Variants in CALN1 observed in about 807,000 individuals in gnomAD.
CALN1 encodes calcium-binding protein 8.
A neutral mutation model predicts 30.6 loss-of-function variants in CALN1; 17 were observed. That is an observed-to-expected ratio of 0.56 (90% CI 0.38 to 0.83). The LOEUF (loss-of-function observed/expected upper bound fraction) is 0.83. CALN1 is among the 40% of genes least tolerant of loss of function. The pLI, the probability that CALN1 is intolerant of heterozygous loss-of-function variation, is 0.00. For synonymous variants in CALN1, 156 were observed against 131.4 expected (o/e 1.19, Z -1.28); for missense variants, 291 against 354.9 (o/e 0.82, Z 1.45).
At chr7:72,046,881 T>C (rs1802508410) in intron 4 of CALN1, among the ~76,000 whole-genome samples, 1 of 151,774 alleles carries the variant, frequency 6.6e-6, no homozygotes. Context: ...TACAAAAATC[T>C]AGCAAAACCC....
chr7:72,485,796 G>C, the CALN1 span, among the ~76,000 whole-genome samples: 1 of 152,054 alleles, frequency 6.6e-6, no homozygotes, highest in Non-Finnish European at 1.5e-5. Flanking sequence ...ACTTGAACCC[G>C]GGAGGTGGAG....
At chr7:71,959,998 G>T (rs1343401792) in intron 5 of CALN1, among the ~76,000 whole-genome samples, 1 of 151,846 alleles carries the variant, frequency 6.6e-6, no homozygotes, top group Non-Finnish European at 1.5e-5. Context: ...GCTGGGCGTG[G>T]TGGCGGGCAC....
intron 4 of CALN1, among the ~76,000 whole-genome samples, chr7:72,025,265 G>A (rs905559559): frequency 4.6e-5 from 7 of 151,962 alleles, no homozygotes; most frequent in African/African-American, 1.7e-4. Context: ...AGCCAAGATC[G>A]CACTGCTGCA....
intron 5 of CALN1, among the ~76,000 whole-genome samples, chr7:71,823,885 A>G (rs1403643277): frequency 6.6e-6 from 1 of 152,158 alleles, no homozygotes; most frequent in South Asian, 2.1e-4. Flanking sequence ...GGCAGGTAAG[A>G]GAGAGAACTT....
At chr7:72,180,574 G>T (rs1789696030) in intron 3 of CALN1, among the ~76,000 whole-genome samples, 2 of 135,614 alleles carry the variant, frequency 1.5e-5, no homozygotes, top group African/African-American at 5.4e-5. Flanking sequence ...ACTGTTACTT[G>T]GGCTATTTGA....
chr7:71,939,403 CA>C (rs56368426), intron 5 of CALN1, among the ~76,000 whole-genome samples: 2,210 of 105,408 alleles, frequency 0.021, 65 homozygotes, highest in African/African-American at 0.078. Context: ...ACTAAAAATA[CA>C]AAAAAAAAAA....
chr7:72,222,522 T>C (rs1793381545), intron 3 of CALN1, among the ~76,000 whole-genome samples: 1 of 152,194 alleles, frequency 6.6e-6, no homozygotes, highest in Middle Eastern at 3.4e-3. Flanking sequence ...TCACAAGAAG[T>C]TTGCCCCCAT....
At position 72,337,244 on chromosome 7, in the gene CALN1, C is replaced by A; in HGVS notation, c.120-58434G>T. On this transcript the variant is annotated intron_variant, in intron 2 of 6. Transcript: ENST00000395275. ...CGCCGACAGCACCACACTCCTCGCT[C>A]TGCCGGCGCCCGCGTTCAGGAGCCG... 6.1e-6 allele frequency: 6 copies of A among 985,294 alleles called. No individual in the cohort carries two copies. The South Asian group carries it at 2.3e-4, about 39-fold the overall frequency. The allele number at this position is 985,294 out of a possible 1,614,324, so 61.0% of individuals were successfully genotyped here. A position where few individuals can be genotyped will look rare whatever the true frequency, so the allele number is the denominator to read the frequency against.
At chr7:72,048,492 C>G (rs1217665762) in intron 4 of CALN1, among the ~76,000 whole-genome samples, 1 of 152,038 alleles carries the variant, frequency 6.6e-6, no homozygotes, top group East Asian at 1.9e-4. Context: ...GAAAGAGAAG[C>G]CATTGTGTAA....
At chr7:72,209,044 C>CTTT (rs1792121460) in intron 3 of CALN1, among the ~76,000 whole-genome samples, 1 of 142,430 alleles carries the variant, frequency 7.0e-6, no homozygotes, top group South Asian at 2.3e-4. Flanking sequence ...TTCTCTCTCT[C>CTTT]CTTTTTCTCC....
chr7:72,364,086 A>T (rs1437995321), intron 2 of CALN1, among the ~76,000 whole-genome samples: 1 of 152,046 alleles, frequency 6.6e-6, no homozygotes, highest in African/African-American at 2.4e-5. Flanking sequence ...ATACTTTACT[A>T]TAATGGAGAA....
intron 3 of CALN1, among the ~76,000 whole-genome samples, chr7:72,245,682 G>A (rs1322509908): frequency 2.0e-5 from 3 of 152,042 alleles, no homozygotes; most frequent in Non-Finnish European, 2.9e-5. Flanking sequence ...AACAAGATCA[G>A]AGATAGAATT....
At chr7:72,286,350 G>A (rs1470798420) in intron 2 of CALN1, among the ~76,000 whole-genome samples, 2 of 152,182 alleles carry the variant, frequency 1.3e-5, no homozygotes, top group African/African-American at 4.8e-5. Flanking sequence ...AGTATGCAAG[G>A]TGGCTAGGAA....
At chr7:71,831,725 A>C (rs1474942339) in intron 5 of CALN1, among the ~76,000 whole-genome samples, 3 of 151,778 alleles carry the variant, frequency 2.0e-5, no homozygotes, top group African/African-American at 7.2e-5. Context: ...ATCTCTACAA[A>C]AAAATACAAA....
intron 4 of CALN1, among the ~76,000 whole-genome samples, chr7:72,076,456 G>C (rs1804734071): frequency 6.6e-6 from 1 of 151,212 alleles, no homozygotes. Context: ...AAATTAGCCA[G>C]GTGTGGTGGC....
intron 4 of CALN1, among the ~76,000 whole-genome samples, chr7:72,080,566 G>A (rs1000493402): frequency 1.3e-5 from 2 of 152,128 alleles, no homozygotes; most frequent in Non-Finnish European, 2.9e-5. Context: ...GGGGTGTAGA[G>A]GGTAGAAGCA....
intron 3 of CALN1, among the ~76,000 whole-genome samples, chr7:72,155,020 G>C (rs1444012380): frequency 1.3e-5 from 2 of 151,824 alleles, no homozygotes; most frequent in Non-Finnish European, 2.9e-5. Flanking sequence ...TCACACCACT[G>C]CACTCCAGTT....
intron 3 of CALN1, among the ~76,000 whole-genome samples, chr7:72,188,613 G>C (rs1790379353): frequency 6.6e-6 from 1 of 152,174 alleles, no homozygotes; most frequent in African/African-American, 2.4e-5. Context: ...ACACTGCTCA[G>C]GTGATGGGTG....
At chr7:72,000,983 C>T (rs1799499652) in intron 5 of CALN1, among the ~76,000 whole-genome samples, 1 of 152,114 alleles carries the variant, frequency 6.6e-6, no homozygotes, top group African/African-American at 2.4e-5. Context: ...ATAGCTAGCA[C>T]CAGGGAAAGG....
Sources: allele counts gnomAD v4.1 joint callset (sites outside exome capture counted in the v4.1 genomes callset), GRCh38; gene constraint gnomAD v4.1.1; transcripts MANE v1.5; gene names NCBI Gene and HGNC (gene_info 2026-07-23, HGNC 2026-07-21).